SYNPR: variants seen among roughly 807,000 people sequenced by gnomAD.
SYNPR encodes synaptoporin.
Under a neutral mutation model 32.9 loss-of-function variants are expected in SYNPR, and 23 were observed. That is an observed-to-expected ratio of 0.70 (90% CI 0.50 to 0.99). The LOEUF is 0.99. SYNPR is among the 50% of genes least tolerant of loss of function. SYNPR has a pLI of 0.00. For missense variants in SYNPR, 318 were observed against 349.3 expected (o/e 0.91, Z 0.71); for synonymous variants, 146 against 135.9 (o/e 1.07, Z -0.52).
At chr3:63,460,400 C>G (rs1403534881) in intron 2 of SYNPR, among the ~76,000 whole-genome samples, 1 of 151,920 alleles carries the variant, frequency 6.6e-6, no homozygotes, top group Non-Finnish European at 1.5e-5. Flanking sequence ...ATCCTTTGGG[C>G]AACTCAAATT....
chr3:63,270,548 C>T (rs573577584), intron 3 of SYNPR, among the ~76,000 whole-genome samples: 1 of 152,014 alleles, frequency 6.6e-6, no homozygotes, highest in Admixed American at 6.6e-5. Flanking sequence ...CTTCAGATTC[C>T]AGTTGTGATC....
At chr3:63,445,383 A>C (rs577286196) in intron 2 of SYNPR, among the ~76,000 whole-genome samples, 1 of 152,342 alleles carries the variant, frequency 6.6e-6, no homozygotes, top group South Asian at 2.1e-4. Flanking sequence ...AGTTAGAGCC[A>C]ATGTGCACAG....
At chr3:63,568,230 T>C (rs751185895) in intron 4 of SYNPR, among the ~76,000 whole-genome samples, 3 of 152,222 alleles carry the variant, frequency 2.0e-5, no homozygotes, top group Non-Finnish European at 2.9e-5. Context: ...CTTATTGTTA[T>C]TCCCATTTTA....
At position 63,560,218 on chromosome 3, in the gene SYNPR, G is replaced by T. The variant is rs191982561; in HGVS notation, c.408+3477G>T. Among the ~76,000 whole-genome samples, 5 of 152,274 alleles carry T rather than the reference G, an allele frequency of 3.3e-5. No homozygotes were observed. The East Asian group carries it at 9.7e-4, about 29-fold the overall frequency. On this transcript the variant is annotated intron_variant, in intron 4 of 5. Coordinates refer to ENST00000478300, the MANE Select transcript of SYNPR (RefSeq NM_001130003.2). ...TTCTTTAATATTAAAAAACTGAAGT[G>T]CTCATTACTTGGCAGATAAAGTTAA...
chr3:63,526,290 GCTGGAGTTGC>G (rs1702011258), intron 3 of SYNPR, among the ~76,000 whole-genome samples: 1 of 152,210 alleles, frequency 6.6e-6, no homozygotes, highest in South Asian at 2.1e-4. Flanking sequence ...ATAGCAGCTT[GCTGGAGTTGC>G]CTAAGTATTC....
chr3:63,485,263 C>T (rs1005478316), intron 3 of SYNPR, among the ~76,000 whole-genome samples: 1 of 151,656 alleles, frequency 6.6e-6, no homozygotes, highest in Non-Finnish European at 1.5e-5. Context: ...AAGGAGAAGA[C>T]CAAATGGAAA....
Position 63,232,192 on chromosome 3 carries a change from C to CTTT in SYNPR, n.66+3837_66+3839dup, listed in dbSNP as rs57078088. On this transcript the variant is annotated intron_variant and non_coding_transcript_variant, in intron 1 of 4. Transcript: ENST00000478456. ...CTCAAGTGAGTATTTCAGATTCTGA[C>CTTT]TTTTTTTTTTTTTTTTTTTTTTTTT... Among the ~76,000 whole-genome samples the CTTT allele has an allele frequency of 7.0e-3, 416 of 59,532 alleles. 53 individuals carry two copies. Among genetic ancestry groups the CTTT allele is most frequent in the African/African-American group, 0.023 (372 of 16,306 alleles). 39.1% of individuals were successfully genotyped at this position (59,532 alleles called of 152,430 possible).
the SYNPR span, among the ~76,000 whole-genome samples, chr3:63,207,022 C>T: frequency 6.6e-6 from 1 of 152,132 alleles, no homozygotes; most frequent in African/African-American, 2.4e-5. Flanking sequence ...GCACCAGGCT[C>T]TCAGGGAGAA....
rs34138232 is a variant in SYNPR, at chr3:63,264,926, T to TGGG, written n.155-2388_155-2386dup. Among the ~76,000 whole-genome samples, 1,049 of 151,304 alleles carry TGGG rather than the reference T, an allele frequency of 6.9e-3. 10 individuals are homozygous for TGGG. The highest frequency in any genetic ancestry group is 0.014 in the Middle Eastern group (4 of 294). ...GGGAAACAGCTGATTCTCAGAATCA[T>TGGG]GGGGGAGCCATGATTCAATTGCTTC... is the stretch of plus-strand genomic sequence containing the variant. On this transcript the variant is annotated intron_variant and non_coding_transcript_variant, in intron 2 of 4. Coordinates refer to the SYNPR transcript ENST00000478456.
intron 3 of SYNPR, among the ~76,000 whole-genome samples, chr3:63,273,080 T>C (rs1314888030): frequency 2.0e-5 from 3 of 152,172 alleles, no homozygotes; most frequent in African/African-American, 7.2e-5. Context: ...AGAGATTTTT[T>C]TCTAATTGTG....
chr3:63,535,350 G>T (rs532386310), intron 3 of SYNPR, among the ~76,000 whole-genome samples: 1 of 152,010 alleles, frequency 6.6e-6, no homozygotes, highest in African/African-American at 2.4e-5. Context: ...CAGCATAAAA[G>T]GCCTTTTGAT....
intron 4 of SYNPR, among the ~76,000 whole-genome samples, chr3:63,605,250 A>G (rs1423620982): frequency 6.6e-6 from 1 of 152,224 alleles, no homozygotes; most frequent in African/African-American, 2.4e-5. Context: ...ACCATTAATG[A>G]GGACCAATTA....
chr3:63,364,423 T>C (rs1345604848), intron 2 of SYNPR, among the ~76,000 whole-genome samples: 1 of 152,186 alleles, frequency 6.6e-6, no homozygotes, highest in Non-Finnish European at 1.5e-5. Flanking sequence ...TATGAGCTCA[T>C]GGAGAAAGAA....
At chr3:63,574,312 A>G (rs1702941184) in intron 4 of SYNPR, among the ~76,000 whole-genome samples, 1 of 152,190 alleles carries the variant, frequency 6.6e-6, no homozygotes, top group Admixed American at 6.6e-5. Flanking sequence ...AAATCCTGAC[A>G]GGTAGCGTGA....
intron 2 of SYNPR, among the ~76,000 whole-genome samples, chr3:63,281,947 C>T (rs1377796168): frequency 6.6e-6 from 1 of 152,126 alleles, no homozygotes; most frequent in African/African-American, 2.4e-5. Context: ...CTTTGGGAGG[C>T]TGAGATGGGA....
At chr3:63,260,011 A>G (rs1470194285) in intron 2 of SYNPR, among the ~76,000 whole-genome samples, 2 of 152,176 alleles carry the variant, frequency 1.3e-5, no homozygotes, top group Non-Finnish European at 2.9e-5. Flanking sequence ...TCCAACTTAC[A>G]AGGGACGCGA....
chr3:63,538,347 T>C (rs1179331284), intron 3 of SYNPR, among the ~76,000 whole-genome samples: 2 of 151,844 alleles, frequency 1.3e-5, no homozygotes, highest in African/African-American at 4.8e-5. Context: ...GAATACGTTT[T>C]GTGAATGGAA....
At chr3:63,397,694 G>A (rs1044579161) in intron 2 of SYNPR, among the ~76,000 whole-genome samples, 1 of 152,106 alleles carries the variant, frequency 6.6e-6, no homozygotes, top group African/African-American at 2.4e-5. Flanking sequence ...GGCAGATTCA[G>A]TTTCAACCTA....
At chr3:63,545,145 T>G (rs917609512) in intron 3 of SYNPR, among the ~76,000 whole-genome samples, 12 of 152,066 alleles carry the variant, frequency 7.9e-5, no homozygotes, top group Admixed American at 2.0e-4. Context: ...GAATATTCGT[T>G]ACTATGTCGC....
Sources: allele counts gnomAD v4.1 joint callset (sites outside exome capture counted in the v4.1 genomes callset), GRCh38; gene constraint gnomAD v4.1.1; transcripts MANE v1.5; gene names NCBI Gene and HGNC (gene_info 2026-07-23, HGNC 2026-07-21).